Variants in AGBL3 observed in about 807,000 individuals in gnomAD.
AGBL3 encodes AGBL carboxypeptidase 3, also known as cytosolic carboxypeptidase 3.
In AGBL3, 68 loss-of-function variants were observed where a neutral mutation model predicts 94.5. The ratio of observed to expected loss-of-function variants is 0.72; its 90% confidence interval spans 0.59 to 0.88. AGBL3 has a LOEUF of 0.88. Ranked by LOEUF, AGBL3 falls within the 40% of genes least tolerant of loss-of-function variation. AGBL3 has a pLI of 0.00. For missense variants in AGBL3, 934 were observed against 1,103.8 expected, an observed-to-expected ratio of 0.85 and a Z score of 2.18; for synonymous variants, 354 against 370.7, an observed-to-expected ratio of 0.95 and a Z score of 0.52.
chr7:135,121,868 G>C (rs1325609257), intron 16 of AGBL3, among the ~76,000 whole-genome samples: 1 of 152,180 alleles, frequency 6.6e-6, no homozygotes, highest in Admixed American at 6.5e-5. Context: ...ACCCAGCCGG[G>C]GAAACCGTGC....
Position 135,134,951 on chromosome 7 carries a change from G to C in AGBL3, c.2453G>C (p.Trp818Ser), listed in dbSNP as rs1307947456. 1 of 1,551,128 alleles carries C rather than the reference G, an allele frequency of 6.4e-7. No homozygotes were observed. Among genetic ancestry groups the C allele is most frequent in the Non-Finnish European group, 8.7e-7 (1 of 1,146,646 alleles). Residue 818 changes from tryptophan to serine, a missense_variant, in exon 17 of 17, where the codon TGG (tryptophan) becomes TCG (serine). By Grantham distance (177) the Trp-to-Ser change is radical (BLOSUM62 -3). Transcript: ENST00000436302. ...GATGTTATGGCAAACTCTTCAGAATGGGTCCAGTCTAAGCCCCACAGGTCA... is the reference window on the plus strand; with the variant it reads ...GATGTTATGGCAAACTCTTCAGAATCGGTCCAGTCTAAGCCCCACAGGTCA... ...QGDVMANSSE[W>S]VQSKPHRSLE...
intron 15 of AGBL3, among the ~76,000 whole-genome samples, chr7:135,096,480 CTAGGAAGATA>C: frequency 2.7e-5 from 4 of 147,350 alleles, no homozygotes; most frequent in Non-Finnish European, 3.0e-5. Flanking sequence ...ACATATACAA[CTAGGAAGATA>C]CCCAAAATAG....
chr7:135,095,968 A>G (rs1445717768), intron 15 of AGBL3, among the ~76,000 whole-genome samples: 1 of 152,174 alleles, frequency 6.6e-6, no homozygotes, highest in Non-Finnish European at 1.5e-5. Flanking sequence ...CCTGGCCAAC[A>G]TGGTGAAACC....
intron 12 of AGBL3, among the ~76,000 whole-genome samples, chr7:135,071,983 G>A (rs1054545155): frequency 1.3e-5 from 2 of 152,128 alleles, no homozygotes; most frequent in African/African-American, 2.4e-5. Context: ...GCAACCTATA[G>A]AATGGGAGAA....
intron 11 of AGBL3, among the ~76,000 whole-genome samples, chr7:135,057,017 A>C (rs945282957): frequency 6.6e-6 from 1 of 152,188 alleles, no homozygotes; most frequent in Non-Finnish European, 1.5e-5. Context: ...ACAGTGCAGT[A>C]CTAGAGAAAG....
At chr7:135,041,041 AAAAT>A (rs1393500441) in intron 8 of AGBL3, among the ~76,000 whole-genome samples, 1 of 152,238 alleles carries the variant, frequency 6.6e-6, no homozygotes, top group African/African-American at 2.4e-5. Flanking sequence ...TCTTAGCTTC[AAAAT>A]AAATACTTAG....
chr7:135,133,944 T>C (rs927718503), intron 16 of AGBL3, among the ~76,000 whole-genome samples: 1 of 151,872 alleles, frequency 6.6e-6, no homozygotes, highest in Non-Finnish European at 1.5e-5. Flanking sequence ...CTCCAGACAA[T>C]TACTCTGAGA....
At chr7:135,014,626 A>AT (rs1021859309) in intron 4 of AGBL3, among the ~76,000 whole-genome samples, 6 of 151,352 alleles carry the variant, frequency 4.0e-5, no homozygotes, top group East Asian at 3.9e-4. Context: ...ATAGAAGTTT[A>AT]TTTTTTTTTC....
chr7:135,093,890 G>C (rs970867642), intron 15 of AGBL3: 1 of 155,568 alleles, frequency 6.4e-6, no homozygotes, highest in Non-Finnish European at 1.4e-5. Context: ...ACTGGCCTAA[G>C]GGTAAACATA....
intron 5 of AGBL3, among the ~76,000 whole-genome samples, chr7:135,029,078 G>T (rs1005040198): frequency 6.6e-6 from 1 of 152,128 alleles, no homozygotes; most frequent in African/African-American, 2.4e-5. Flanking sequence ...TTGTTGTTTT[G>T]TTTATAGAGC....
At chr7:135,107,144 T>C (rs901539765) in intron 15 of AGBL3, among the ~76,000 whole-genome samples, 4 of 48,060 alleles carry the variant, frequency 8.3e-5, no homozygotes, top group African/African-American at 2.2e-4. Flanking sequence ...ATATTATTGA[T>C]TTTTTTTTCA....
intron 11 of AGBL3, among the ~76,000 whole-genome samples, chr7:135,047,791 G>C (rs776258184): frequency 1.3e-4 from 20 of 151,866 alleles, no homozygotes; most frequent in African/African-American, 4.3e-4. Flanking sequence ...TAGATGTATA[G>C]TTTGCACATT....
chr7:135,069,337 A>G (rs1819661967), intron 12 of AGBL3, among the ~76,000 whole-genome samples: 1 of 152,224 alleles, frequency 6.6e-6, no homozygotes, highest in Non-Finnish European at 1.5e-5. Context: ...GTTAACAAGG[A>G]TATCCAGGAA....
intron 15 of AGBL3, among the ~76,000 whole-genome samples, chr7:135,111,569 CG>C (rs1480497840): frequency 6.6e-6 from 1 of 151,530 alleles, no homozygotes; most frequent in East Asian, 2.0e-4. Flanking sequence ...ATGTTGTACA[CG>C]TCTGTTTTTT....
chr7:135,021,063 A>AAAAAG (rs1554496088), intron 5 of AGBL3, among the ~76,000 whole-genome samples: 145 of 150,844 alleles, frequency 9.6e-4, no homozygotes, highest in South Asian at 1.7e-3. Context: ...ATAAAAAAAA[A>AAAAAG]AAAAGACTAT....
Position 135,034,502 on chromosome 7 carries a change from C to T in AGBL3, c.911C>T (p.Thr304Ile), listed in dbSNP as rs1297740872. ...YFAHCYPYTY[T>I]NLQEYLSGIN... ...GCTCATTGCTATCCATACACTTACA[C>T]CAACCTGCAAGAATACCTTTCTGGC... Residue 304 changes from threonine to isoleucine, a missense_variant, in exon 7 of 17, where the codon ACC (threonine) becomes ATC (isoleucine). By Grantham distance (89) the Thr-to-Ile change is moderately conservative. Around this residue, in one of 3 missense-constraint regions of AGBL3, gnomAD observed 488 missense variants for 563.6 expected, o/e 0.87. Coordinates refer to ENST00000436302, the MANE Select transcript of AGBL3 (RefSeq NM_178563.4). The T allele has an allele frequency of 9.0e-6, 14 of 1,551,928 alleles. No individual in the cohort carries two copies. The highest frequency in any genetic ancestry group is 5.9e-5 in the South Asian group (5 of 84,064).
At chr7:135,001,508 A>G (rs567415918) in intron 4 of AGBL3, among the ~76,000 whole-genome samples, 2 of 152,178 alleles carry the variant, frequency 1.3e-5, no homozygotes, top group African/African-American at 2.4e-5. Flanking sequence ...ACTAAGGTAA[A>G]TAGAACAGAT....
At chr7:135,036,336 C>G (rs1385797681) in intron 7 of AGBL3, among the ~76,000 whole-genome samples, 2 of 145,110 alleles carry the variant, frequency 1.4e-5, no homozygotes, top group Non-Finnish European at 3.0e-5. Flanking sequence ...TTATATAGAC[C>G]AAAGGTTGTG....
At chr7:135,037,706 C>T (rs1254032402) in intron 8 of AGBL3, 126 bp downstream of exon 8, 2 of 717,910 alleles carry the variant, frequency 2.8e-6, no homozygotes, top group African/African-American at 1.8e-5. Context: ...CCAGTTTATA[C>T]AATTGACAAT....
Sources: gnomAD v4.1 joint callset for allele counts (sites outside exome capture counted in the v4.1 genomes callset) on GRCh38, gnomAD v4.1.1 for gene constraint, gnomAD v4.1.1 regional missense constraint, MANE v1.5 for transcripts, NCBI Gene and HGNC (gene_info 2026-07-23, HGNC 2026-07-21) for gene names.